Variants in NBAS observed in about 807,000 individuals in gnomAD.
NBAS encodes NBAS subunit of NRZ tethering complex, also known as NAG/BC035112 fusion.
Under a neutral mutation model 302.5 loss-of-function variants are expected in NBAS, and 219 were observed. The ratio of observed to expected loss-of-function variants is 0.72; its 90% CI spans 0.65 to 0.81. The LOEUF (loss-of-function observed/expected upper bound fraction) is 0.81. NBAS is among the 30% of genes least tolerant of loss of function. The probability of loss-of-function intolerance (pLI) is 0.00; values close to 1 mark genes in which losing one functional copy is unlikely to be tolerated. For synonymous variants in NBAS, 1,118 were observed against 1,021.6 expected (o/e 1.09, Z -1.80); for missense variants, 2,932 against 2,841.6 (o/e 1.03, Z -0.72).
chr2:14,937,670 G>A, the NBAS span, among the ~76,000 whole-genome samples: 3 of 152,116 alleles, frequency 2.0e-5, no homozygotes, highest in African/African-American at 7.2e-5. Flanking sequence ...CTTGTGTCAG[G>A]ATGTTGCATT....
chr2:15,323,954 T>TA (rs1671946990), intron 38 of NBAS, among the ~76,000 whole-genome samples: 1 of 147,030 alleles, frequency 6.8e-6, no homozygotes, highest in African/African-American at 2.5e-5. Context: ...AGGGCCACAA[T>TA]ATTTCTTAAA....
the NBAS span, among the ~76,000 whole-genome samples, chr2:15,148,730 C>G: frequency 2.0e-5 from 3 of 152,164 alleles, no homozygotes; most frequent in Non-Finnish European, 4.4e-5. Flanking sequence ...CGCAAGTACA[C>G]TGATGCAAAA....
chr2:15,290,417 G>A (rs1670256103), intron 41 of NBAS, among the ~76,000 whole-genome samples: 1 of 152,154 alleles, frequency 6.6e-6, no homozygotes, highest in African/African-American at 2.4e-5. Flanking sequence ...TTGTCCTCTA[G>A]AACATACTTC....
the NBAS span, among the ~76,000 whole-genome samples, chr2:14,821,280 T>C: frequency 2.0e-5 from 3 of 152,134 alleles, no homozygotes; most frequent in Non-Finnish European, 4.4e-5. Flanking sequence ...GGTGGCTTGG[T>C]GGTCAGAAGG....
chr2:15,533,679 CGTGTGTGTGT>C (rs59222907), intron 9 of NBAS, among the ~76,000 whole-genome samples: 2,737 of 143,984 alleles, frequency 0.019, 79 homozygotes, highest in South Asian at 0.061. Flanking sequence ...GGGGGGTGTG[CGTGTGTGTGT>C]GTGTGTGTGT....
At position 15,424,378 on chromosome 2, in the gene NBAS, C is replaced by CGTA; in HGVS notation, c.2511_2513dup (p.Thr838dup). 6.2e-7 allele frequency: 1 copy of CGTA among 1,614,080 alleles called. No homozygotes were observed. Among genetic ancestry groups the CGTA allele is most frequent in the Non-Finnish European group, 8.5e-7 (1 of 1,179,984 alleles). ...GATACCAGTCCATAACCTTCTCCAC[C>CGTA]GTAAGCTGGGTCATCCTGAACCTTA... On this transcript the variant is annotated inframe_insertion, in exon 23 of 52. Coordinates refer to ENST00000281513, the MANE Select transcript of NBAS (RefSeq NM_015909.4).
At chr2:15,268,591 T>C (rs532855954) in intron 44 of NBAS, among the ~76,000 whole-genome samples, 1 of 152,352 alleles carries the variant, frequency 6.6e-6, no homozygotes, top group South Asian at 2.1e-4. Flanking sequence ...ACAGCACTAA[T>C]CTGGGGGCCA....
At position 15,328,180 on chromosome 2, in the gene NBAS, C is replaced by T. The variant is rs1672162645; in HGVS notation, c.4461+19G>A. On this transcript the variant is annotated intron_variant, in intron 37 of 51. Transcript: ENST00000281513. Reference sequence around the variant, plus strand: ...CAGCATGACAGTTAAATCTATCTTCCTAGACACGCTGTCCTTACCTCAGCG... The same window carrying T: ...CAGCATGACAGTTAAATCTATCTTCTTAGACACGCTGTCCTTACCTCAGCG... 1 of 1,601,240 alleles carries T rather than the reference C, an allele frequency of 6.2e-7. No homozygotes were observed. Among genetic ancestry groups the T allele is most frequent in the South Asian group, 1.1e-5 (1 of 90,750 alleles).
the NBAS span, among the ~76,000 whole-genome samples, chr2:15,133,329 G>C: frequency 1.3e-5 from 2 of 151,832 alleles, no homozygotes; most frequent in African/African-American, 4.8e-5. Context: ...GCGGGGGGGG[G>C]GCAGGGAAGT....
chr2:15,063,111 T>C, the NBAS span, among the ~76,000 whole-genome samples: 1,052 of 152,292 alleles, frequency 6.9e-3, 13 homozygotes, highest in African/African-American at 0.024. Flanking sequence ...ATCCTTCTCG[T>C]GGAGTGTGGG....
chr2:15,065,527 G>A, the NBAS span, among the ~76,000 whole-genome samples: 2 of 152,036 alleles, frequency 1.3e-5, no homozygotes, highest in Non-Finnish European at 2.9e-5. Flanking sequence ...AATATTGTTA[G>A]AACTAATAAA....
intron 50 of NBAS, chr2:15,179,827 G>C (rs1034860805): frequency 6.6e-6 from 1 of 152,280 alleles, no homozygotes; most frequent in African/African-American, 2.4e-5. Flanking sequence ...TGTGGTCACA[G>C]AGCAGGCTTT....
chr2:15,377,571 G>T (rs889887474), intron 30 of NBAS, among the ~76,000 whole-genome samples: 2 of 152,184 alleles, frequency 1.3e-5, no homozygotes, highest in Non-Finnish European at 2.9e-5. Context: ...CTGGCCCAAG[G>T]TCACATACCT....
intron 44 of NBAS, among the ~76,000 whole-genome samples, chr2:15,242,556 C>A (rs555175090): frequency 6.6e-6 from 1 of 151,440 alleles, no homozygotes; most frequent in East Asian, 1.9e-4. Flanking sequence ...GAATTTACAT[C>A]TAGTAGATTT....
the NBAS span, among the ~76,000 whole-genome samples, chr2:15,157,356 C>T: frequency 6.6e-6 from 1 of 152,170 alleles, no homozygotes; most frequent in African/African-American, 2.4e-5. Context: ...GCAGAATTAT[C>T]GTACACCATA....
chr2:15,157,141 T>C, the NBAS span, among the ~76,000 whole-genome samples: 1 of 152,088 alleles, frequency 6.6e-6, no homozygotes, highest in Non-Finnish European at 1.5e-5. Context: ...AGGAAATCGC[T>C]TCAAAGGTGT....
chr2:15,163,184 C>T (rs566080587), downstream of NBAS, among the ~76,000 whole-genome samples: 1 of 152,336 alleles, frequency 6.6e-6, no homozygotes, highest in South Asian at 2.1e-4. Context: ...CCAGCTCCTG[C>T]ACACTCTCGC....
intron 48 of NBAS, among the ~76,000 whole-genome samples, chr2:15,217,419 C>A (rs774818588): frequency 2.6e-5 from 4 of 152,164 alleles, no homozygotes; most frequent in Non-Finnish European, 5.9e-5. Flanking sequence ...CAAAGATATT[C>A]GTGATGAGGC....
the NBAS span, among the ~76,000 whole-genome samples, chr2:15,084,689 G>C: frequency 6.7e-6 from 1 of 148,770 alleles, no homozygotes; most frequent in African/African-American, 2.6e-5. Flanking sequence ...CGGCGGGGCG[G>C]GGGGGGTTCC....
Sources: allele counts gnomAD v4.1 joint callset (sites outside exome capture counted in the v4.1 genomes callset), GRCh38; gene constraint gnomAD v4.1.1; transcripts MANE v1.5; gene names NCBI Gene and HGNC (gene_info 2026-07-23, HGNC 2026-07-21).